The following DIS3L2 variants were observed in gnomAD, a reference collection of about 807,000 sequenced individuals.
DIS3L2 encodes the protein DIS3 like 3'-5' exoribonuclease 2.
Under a neutral mutation model 97.5 loss-of-function variants are expected in DIS3L2, and 34 were observed. The ratio of observed to expected loss-of-function variants is 0.35; its 90% CI spans 0.27 to 0.46. The LOEUF is 0.46. Among genes scored for constraint, DIS3L2 ranks in the 20% least tolerant of loss-of-function variants. The pLI, the probability that DIS3L2 is intolerant of heterozygous loss-of-function variation, is 1.00. For synonymous variants in DIS3L2, 435 were observed against 445.2 expected, an observed-to-expected ratio of 0.98 and a Z score of 0.29; for missense variants, 1,038 against 1,146.0, an observed-to-expected ratio of 0.91 and a Z score of 1.36.
intron 13 of DIS3L2, among the ~76,000 whole-genome samples, chr2:232,290,298 A>C (rs1017025263): frequency 2.0e-5 from 3 of 152,236 alleles, no homozygotes; most frequent in Non-Finnish European, 4.4e-5. Flanking sequence ...GAGAGGCAAG[A>C]ACATGGCCCA....
intron 8 of DIS3L2, among the ~76,000 whole-genome samples, chr2:232,155,459 A>G (rs1201341832): frequency 6.6e-6 from 1 of 152,182 alleles, no homozygotes; most frequent in African/African-American, 2.4e-5. Context: ...TATGAGAACT[A>G]TATTCCCTGA....
chr2:232,289,439 AT>A (rs1454021671), intron 13 of DIS3L2, among the ~76,000 whole-genome samples: 1 of 151,844 alleles, frequency 6.6e-6, no homozygotes, highest in African/African-American at 2.4e-5. Context: ...CGCCCAGCTA[AT>A]TTTTGTATTT....
intron 14 of DIS3L2, among the ~76,000 whole-genome samples, chr2:232,314,163 G>A (rs575495036): frequency 6.6e-6 from 1 of 152,196 alleles, no homozygotes; most frequent in Admixed American, 6.5e-5. Flanking sequence ...CTCAGCACCG[G>A]CCCAGCACCC....
intron 6 of DIS3L2, among the ~76,000 whole-genome samples, chr2:232,106,738 T>A (rs1697367290): frequency 6.6e-6 from 1 of 152,240 alleles, no homozygotes; most frequent in African/African-American, 2.4e-5. Flanking sequence ...AACTCAGCTC[T>A]GGATCAAGTG....
At chr2:232,297,684 G>A (rs951518708) in intron 13 of DIS3L2, among the ~76,000 whole-genome samples, 1 of 150,016 alleles carries the variant, frequency 6.7e-6, no homozygotes, top group African/African-American at 2.5e-5. Flanking sequence ...TGCTGTTTAG[G>A]TATGTTCCTT....
At position 232,002,690 on chromosome 2, in the gene DIS3L2, T is replaced by C. The variant is rs112656797; in HGVS notation, c.-93-12145T>C. 4.2e-3 allele frequency among the ~76,000 whole-genome samples: 641 copies of C among 152,296 alleles called. 5 individuals carry two copies. The highest frequency in any genetic ancestry group is 0.014 in the African/African-American group (586 of 41,550). ...CTGTGGTTCCAAAAGTCAGAACATATAAAAAGGCATATTAAGTGAAGTGTT... is the reference window on the plus strand; with the variant it reads ...CTGTGGTTCCAAAAGTCAGAACATACAAAAAGGCATATTAAGTGAAGTGTT... On this transcript the variant is annotated intron_variant, in intron 1 of 20. Coordinates refer to ENST00000325385, the MANE Select transcript of DIS3L2 (RefSeq NM_152383.5).
At chr2:232,333,227 G>GCCTCCTCCT (rs1170491432) in intron 16 of DIS3L2, among the ~76,000 whole-genome samples, 63 of 24,178 alleles carry the variant, frequency 2.6e-3, no homozygotes, top group East Asian at 8.5e-3. Flanking sequence ...CTCCGCTGTC[G>GCCTCCTCCT]CCTCCTCCTC....
At chr2:232,329,788 C>CCGGGGGGGGG in intron 14 of DIS3L2, 25 bp from the exon 15 acceptor site, 5 of 1,080,630 alleles carry the variant, frequency 4.6e-6, no homozygotes, top group Non-Finnish European at 5.1e-6. Context: ...CCAGCGGTCC[C>CCGGGGGGGGG]TCCCATCCCA....
chr2:232,232,725 A>C (rs1175023006), intron 10 of DIS3L2, among the ~76,000 whole-genome samples: 1 of 152,164 alleles, frequency 6.6e-6, no homozygotes, highest in Non-Finnish European at 1.5e-5. Flanking sequence ...TTCTCAGTAG[A>C]CTTTGTATAC....
intron 6 of DIS3L2, among the ~76,000 whole-genome samples, chr2:232,090,910 C>T (rs1380615829): frequency 1.3e-5 from 2 of 152,336 alleles, no homozygotes; most frequent in East Asian, 1.9e-4. Flanking sequence ...ACATTGCTCC[C>T]GTTGTCTGTA....
At chr2:232,286,691 G>A (rs1419651789) in intron 13 of DIS3L2, among the ~76,000 whole-genome samples, 1 of 152,204 alleles carries the variant, frequency 6.6e-6, no homozygotes, top group Non-Finnish European at 1.5e-5. Flanking sequence ...AGGTAAAAGA[G>A]ATTACATACT....
intron 1 of DIS3L2, among the ~76,000 whole-genome samples, chr2:231,962,862 C>T (rs558199038): frequency 2.5e-4 from 38 of 152,266 alleles, no homozygotes; most frequent in Middle Eastern, 3.4e-3. Flanking sequence ...TGTGCTAATT[C>T]GTTTAGGATT....
intron 13 of DIS3L2, among the ~76,000 whole-genome samples, chr2:232,289,251 T>G (rs1013069447): frequency 2.0e-5 from 3 of 149,944 alleles, no homozygotes; most frequent in Non-Finnish European, 4.5e-5. Context: ...TGTTTTTTGT[T>G]TTTTTTTTTT....
intron 13 of DIS3L2, among the ~76,000 whole-genome samples, chr2:232,290,085 C>T (rs911704504): frequency 1.3e-5 from 2 of 152,212 alleles, no homozygotes; most frequent in African/African-American, 4.8e-5. Context: ...TGGCCTGAGG[C>T]CCCTGAGCTC....
At chr2:232,247,143 G>T (rs904175710) in intron 11 of DIS3L2, among the ~76,000 whole-genome samples, 2 of 152,174 alleles carry the variant, frequency 1.3e-5, no homozygotes, top group Non-Finnish European at 2.9e-5. Flanking sequence ...ATTAAGCCCT[G>T]GACTGATGTC....
exon 14 of DIS3L2, chr2:232,343,684 T>C (rs1043380032): frequency 6.0e-6 from 7 of 1,172,140 alleles, no homozygotes; most frequent in Admixed American, 2.5e-5. Flanking sequence ...GAAAAGGAGC[T>C]GGATGTGGGT....
At chr2:232,267,120 T>C (rs1693874303) in intron 13 of DIS3L2, among the ~76,000 whole-genome samples, 1 of 152,222 alleles carries the variant, frequency 6.6e-6, no homozygotes, top group Non-Finnish European at 1.5e-5. Flanking sequence ...GCCTAACCCA[T>C]GTCTGAGTTA....
chr2:232,040,136 T>C (rs1463069063), intron 5 of DIS3L2, among the ~76,000 whole-genome samples: 1 of 152,202 alleles, frequency 6.6e-6, no homozygotes, highest in East Asian at 1.9e-4. Flanking sequence ...TCATAGAGGT[T>C]ACATTAGAGC....
intron 9 of DIS3L2, among the ~76,000 whole-genome samples, chr2:232,203,569 C>G (rs770833774): frequency 2.0e-5 from 3 of 152,206 alleles, no homozygotes; most frequent in Non-Finnish European, 2.9e-5. Flanking sequence ...TGTCCATCAG[C>G]TATTCATTAC....
Sources: allele counts gnomAD v4.1 joint callset (sites outside exome capture counted in the v4.1 genomes callset), GRCh38; gene constraint gnomAD v4.1.1; transcripts MANE v1.5; gene names NCBI Gene and HGNC (gene_info 2026-07-23, HGNC 2026-07-21).